Variants in FIP1L1 observed in about 807,000 individuals in gnomAD.
FIP1L1 encodes pre-mRNA 3'-end-processing factor FIP1.
Under a neutral mutation model 84.6 loss-of-function variants are expected in FIP1L1, and 21 were observed. The ratio of observed to expected loss-of-function variants is 0.25; its 90% CI spans 0.18 to 0.36. The LOEUF is 0.36. Among genes scored for constraint, FIP1L1 ranks in the 10% least tolerant of loss-of-function variants. The pLI is 1.00. For synonymous variants in FIP1L1, 263 were observed against 242.3 expected, an observed-to-expected ratio of 1.09 and a Z score of -0.80; for missense variants, 526 against 751.1, an observed-to-expected ratio of 0.70 and a Z score of 3.50.
intron 1 of FIP1L1, chr4:53,378,708 G>A: frequency 4.6e-6 from 1 of 218,076 alleles, no homozygotes; most frequent in Non-Finnish European, 9.1e-6. Context: ...TTAACTTTAA[G>A]TCACAATCCC....
intron 13 of FIP1L1, among the ~76,000 whole-genome samples, chr4:53,432,923 G>A (rs1002361409): frequency 5.9e-5 from 9 of 151,978 alleles, no homozygotes; most frequent in African/African-American, 1.5e-4. Context: ...ACATGCATAC[G>A]TATTTGTGGG....
intron 9 of FIP1L1, among the ~76,000 whole-genome samples, chr4:53,397,070 T>C (rs1224229684): frequency 1.3e-5 from 2 of 152,206 alleles, no homozygotes; most frequent in African/African-American, 2.4e-5. Context: ...AAAGAATGTT[T>C]ATGTGCAGAA....
intron 15 of FIP1L1, among the ~76,000 whole-genome samples, chr4:53,444,876 CTAAGTTTTAAGGATAGAG>C (rs1471627781): frequency 1.3e-5 from 2 of 152,070 alleles, no homozygotes; most frequent in African/African-American, 2.4e-5. Flanking sequence ...CTGACCTGTA[CTAAGTTTTAAGGATAGAG>C]TAACCTGTAT....
At chr4:53,417,642 C>CAAAAAAAAAAAAAA (rs57635694) in intron 11 of FIP1L1, among the ~76,000 whole-genome samples, 2 of 46,358 alleles carry the variant, frequency 4.3e-5, no homozygotes, top group Admixed American at 3.8e-4. Context: ...AACTCCTTCT[C>CAAAAAAAAAAAAAA]AAAAAAAAAA....
rs1721396975 is a variant in FIP1L1, at chr4:53,459,648, A to G, written c.*199A>G. The G allele has an allele frequency of 1.4e-6, 1 of 692,700 alleles. No homozygotes were observed. 42.9% of individuals were successfully genotyped at this position (692,700 alleles called of 1,614,324 possible). On this transcript the variant is annotated 3_prime_UTR_variant, in exon 18 of 18. Transcript: ENST00000337488. ...CTTTGTCTTGTACTATTTCAAAAAT[A>G]AAAAGACAGCAATGACTTTATATCC... is the stretch of plus-strand genomic sequence containing the variant.
intron 13 of FIP1L1, among the ~76,000 whole-genome samples, chr4:53,440,181 A>G (rs1311646965): frequency 2.0e-5 from 3 of 152,082 alleles, no homozygotes; most frequent in Non-Finnish European, 4.4e-5. Context: ...TTATCCTTGT[A>G]CTACCTGCAG....
Position 53,452,983 on chromosome 4 carries a change from A to G in FIP1L1, c.1349A>G (p.Gln450Arg). ...SWPSLVDTSK[Q>R]WDYYARREKD... Reference sequence around the variant, plus strand: ...CCTAGTCTTGTGGACACCAGCAAGCAGTGGGACTATTATGCCAGAAGAGAG... The same window carrying G: ...CCTAGTCTTGTGGACACCAGCAAGCGGTGGGACTATTATGCCAGAAGAGAG... Residue 450 changes from glutamine to arginine, a missense_variant, in exon 16 of 18, where the codon CAG (glutamine) becomes CGG (arginine). Gln to Arg is a conservative substitution (Grantham distance 43, BLOSUM62 1). Transcript: ENST00000337488. 6.2e-7 allele frequency: 1 copy of G among 1,613,796 alleles called. No homozygotes were observed. Among genetic ancestry groups the G allele is most frequent in the Non-Finnish European group, 8.5e-7 (1 of 1,180,000 alleles).
At chr4:53,387,458 T>C (rs1242187305) in intron 5 of FIP1L1, among the ~76,000 whole-genome samples, 1 of 152,204 alleles carries the variant, frequency 6.6e-6, no homozygotes, top group African/African-American at 2.4e-5. Context: ...ACATGTTTAT[T>C]TTGGAGTTCC....
intron 11 of FIP1L1, among the ~76,000 whole-genome samples, chr4:53,421,910 A>C (rs544410233): frequency 2.4e-4 from 37 of 152,316 alleles, no homozygotes; most frequent in South Asian, 2.1e-3. Flanking sequence ...GTTGCTAGTT[A>C]AGAACCTGAA....
intron 10 of FIP1L1, among the ~76,000 whole-genome samples, chr4:53,407,594 A>G (rs940239620): frequency 1.3e-5 from 2 of 149,700 alleles, no homozygotes; most frequent in African/African-American, 5.1e-5. Context: ...TGGTCTGTCT[A>G]ATGTTGACAG....
intron 10 of FIP1L1, among the ~76,000 whole-genome samples, chr4:53,401,213 A>T (rs1297766926): frequency 6.6e-6 from 1 of 152,232 alleles, no homozygotes; most frequent in African/African-American, 2.4e-5. Flanking sequence ...TACTTAAACT[A>T]TTTAAAAATC....
At chr4:53,378,130 C>T (rs1461856614) in intron 1 of FIP1L1, 4 of 458,806 alleles carry the variant, frequency 8.7e-6, no homozygotes, top group Non-Finnish European at 1.5e-5. Context: ...CATGCGCATC[C>T]ACCCCTGTGG....
At chr4:53,448,839 A>G (rs1775261192) in intron 15 of FIP1L1, among the ~76,000 whole-genome samples, 1 of 152,114 alleles carries the variant, frequency 6.6e-6, no homozygotes, top group Non-Finnish European at 1.5e-5. Flanking sequence ...AGTTATCTCC[A>G]TACACTTCTT....
intron 13 of FIP1L1, among the ~76,000 whole-genome samples, chr4:53,431,166 A>G (rs1234737122): frequency 2.6e-5 from 4 of 152,234 alleles, no homozygotes; most frequent in Non-Finnish European, 5.9e-5. Flanking sequence ...TATACCTGGT[A>G]CATTCAATCA....
intron 10 of FIP1L1, among the ~76,000 whole-genome samples, chr4:53,404,904 A>G (rs1026060586): frequency 5.3e-5 from 8 of 150,948 alleles, no homozygotes; most frequent in African/African-American, 1.7e-4. Flanking sequence ...GATTCTGGAT[A>G]TTAGCCCTTT....
intron 10 of FIP1L1, 50 bp downstream of exon 10, chr4:53,399,889 C>A: frequency 8.1e-7 from 1 of 1,228,680 alleles, no homozygotes; most frequent in Non-Finnish European, 1.2e-6. Context: ...GGTATCTTTA[C>A]ATTGTATTTG....
At position 53,380,038 on chromosome 4, in the gene FIP1L1, A is replaced by G. The variant is rs552771559; in HGVS notation, c.170+774A>G. ...GGATATGGGGAAATAAAACCCTCAT[A>G]CACTTCTGGTGGGATTGTAAAATGG... On this transcript the variant is annotated intron_variant, in intron 3 of 17. Coordinates refer to ENST00000337488, the MANE Select transcript of FIP1L1 (RefSeq NM_030917.4). Among the ~76,000 whole-genome samples, 111 of 152,346 alleles carry G rather than the reference A, an allele frequency of 7.3e-4. 2 individuals are homozygous for G. The highest frequency in any genetic ancestry group is 2.6e-3 in the African/African-American group (108 of 41,586).
intron 12 of FIP1L1, among the ~76,000 whole-genome samples, chr4:53,427,638 A>T (rs751280539): frequency 2.6e-5 from 4 of 152,188 alleles, no homozygotes; most frequent in Non-Finnish European, 5.9e-5. Context: ...AGTGTCTGTG[A>T]TTAATGATTA....
chr4:53,420,225 A>AC (rs1761770175), intron 11 of FIP1L1, among the ~76,000 whole-genome samples: 1 of 143,044 alleles, frequency 7.0e-6, no homozygotes, highest in Non-Finnish European at 1.5e-5. Context: ...AAAAAAAAAA[A>AC]CCAGCCTGAC....
Sources: allele counts gnomAD v4.1 joint callset (sites outside exome capture counted in the v4.1 genomes callset), GRCh38; gene constraint gnomAD v4.1.1; transcripts MANE v1.5; gene names NCBI Gene and HGNC (gene_info 2026-07-23, HGNC 2026-07-21).